Variants in ZNF843 observed in about 807,000 individuals in gnomAD.
ZNF843 encodes zinc finger protein 843.
For missense variants in ZNF843, 482 were observed against 469.4 expected (o/e 1.03, Z -0.25); for synonymous variants, 185 against 207.7 (o/e 0.89, Z 0.94).
rs1403783683 is a variant in ZNF843, at chr16:31,436,682, G to A, written c.168C>T (p.Ser56=). The change falls in exon 2 of 2, where the codon AGC becomes AGT. Residue 56 remains serine, a synonymous_variant. Coordinates refer to ENST00000315678, the MANE Select transcript of ZNF843 (RefSeq NM_001136509.3). ...ASLLQHWRVH[S]DWRETLSLSP... ...ACAGCGACAAGGTCTCTCGCCAGTC[G>A]CTGTGGACCCGCCAGTGCTGGAGGA... The A allele has an allele frequency of 1.3e-6, 2 of 1,551,248 alleles. No homozygotes were observed. Among genetic ancestry groups the A allele is most frequent in the Non-Finnish European group, 8.7e-7 (1 of 1,146,990 alleles).
In ZNF843 at chr16:31,437,165, T is replaced by G; in HGVS notation, c.-316A>C. On this transcript the variant is annotated 5_prime_UTR_variant, in exon 2 of 2. Coordinates refer to ENST00000315678, the MANE Select transcript of ZNF843 (RefSeq NM_001136509.3). ...TTCCTGCGGAAGGAAAGATTTCAGA[T>G]CCCAGAGCCATCATTCTCTCTAGAG... is the stretch of plus-strand genomic sequence containing the variant. The G allele has an allele frequency of 3.3e-6, 1 of 300,760 alleles. No homozygotes were observed. 18.6% of individuals were successfully genotyped at this position (300,760 alleles called of 1,614,324 possible).
In ZNF843 at chr16:31,436,036, AG is replaced by A; in HGVS notation, c.813del (p.Cys272ValfsTer143). 1 of 1,536,958 alleles carries A rather than the reference AG, an allele frequency of 6.5e-7. No homozygotes were observed. Among genetic ancestry groups the A allele is most frequent in the African/African-American group, 1.4e-5 (1 of 72,888 alleles). On this transcript the variant is annotated frameshift_variant, in exon 2 of 2. Coordinates refer to ENST00000315678, the MANE Select transcript of ZNF843 (RefSeq NM_001136509.3). LOFTEE classifies it low-confidence loss of function (END_TRUNC). ...AQQEGAMGPR[S>X]CASAGRDSRE... is the part of the protein sequence containing the mutation. ...CGCGAGTCCCGTCCCGCGCTCGCAC[AG>A]CTTCTGGGCCCCATCGCCCCCTCCT...
intron 1 of ZNF843, among the ~76,000 whole-genome samples, chr16:31,439,572 A>G (rs1210508506): frequency 6.6e-6 from 1 of 152,254 alleles, no homozygotes; most frequent in African/African-American, 2.4e-5. Context: ...AACTGCTGTT[A>G]CCTGCAAGCA....
chr16:31,435,789 A>G lies in ZNF843; in HGVS notation c.*14T>C, dbSNP rs1380122143. 6.9e-7 allele frequency: 1 copy of G among 1,446,806 alleles called. No homozygotes were observed. Among genetic ancestry groups the G allele is most frequent in the Admixed American group, 2.9e-5 (1 of 34,872 alleles). The allele number at this position is 1,446,806 out of a possible 1,614,324, so 89.6% of individuals were successfully genotyped here. On this transcript the variant is annotated 3_prime_UTR_variant, in exon 2 of 2. Transcript: ENST00000315678. ...CTGCAACAATTCCACCCAGGGCTGC[A>G]GCACGCTGGTTCTTCAGTGTCGGGC...
Position 31,436,360 on chromosome 16 carries a change from C to T in ZNF843, c.490G>A (p.Val164Ile), listed in dbSNP as rs902170193. ...GTCTTCTCCCCTGGGTGCGGAAGGA[C>T]GCGCTGGGAGAGGGAGGTCTTCTCA... ...VNEKTSLSQRVLPHPGEKTCR... is the reference protein window; with the variant it reads ...VNEKTSLSQRILPHPGEKTCR... The change falls in exon 2 of 2, where the codon GTC becomes ATC. Residue 164 changes from valine (V) to isoleucine (I), a missense_variant. Physicochemically the swap from Val to Ile is conservative, Grantham distance 29. Transcript: ENST00000315678. 5.8e-6 allele frequency: 9 copies of T among 1,546,550 alleles called. No individual in the cohort carries two copies. The Admixed American group carries it at 1.4e-4, about 24-fold the overall frequency.
At position 31,436,544 on chromosome 16, in the gene ZNF843, G is replaced by C. The variant is rs2082182316; in HGVS notation, c.306C>G (p.Leu102=). The C allele has an allele frequency of 6.5e-7, 1 of 1,549,918 alleles. No homozygotes were observed. Among genetic ancestry groups the C allele is most frequent in the Non-Finnish European group, 8.7e-7 (1 of 1,145,822 alleles). Residue 102 remains leucine, a synonymous_variant, in exon 2 of 2, where the codon CTC becomes CTG. Coordinates refer to ENST00000315678, the MANE Select transcript of ZNF843 (RefSeq NM_001136509.3). ...TGTGCTCCTTGGTGAGCCAGCAGCA[G>C]AGCTGGCCGCTAAACCCTTGCCGCA... ...AGVRQGFSGQ[L]CCWLTKEHTL...
rs1383229297 is a variant in ZNF843, at chr16:31,436,779, C to T, written c.71G>A (p.Gly24Asp). 1.3e-6 allele frequency: 2 copies of T among 1,551,820 alleles called. No individual in the cohort carries two copies. Among genetic ancestry groups the T allele is most frequent in the Non-Finnish European group, 1.7e-6 (2 of 1,147,042 alleles). Residue 24 changes from glycine to aspartate, a missense_variant, in exon 2 of 2, where the codon GGC (glycine) becomes GAC (aspartate). Physicochemically the swap from Gly to Asp is moderately conservative, Grantham distance 94 (BLOSUM62 -1). Transcript: ENST00000315678. Reference protein sequence around the residue: ...SARAPTCCSTGRFTQGRQPCK... With the variant: ...SARAPTCCSTDRFTQGRQPCK... ...GGGCTGACGGCCCTGGGTGAATCTGCCGGTGCTGCAGCAGGTAGGAGCTCT... is the reference window on the plus strand; with the variant it reads ...GGGCTGACGGCCCTGGGTGAATCTGTCGGTGCTGCAGCAGGTAGGAGCTCT...
In ZNF843 at chr16:31,435,931, C is replaced by T; in HGVS notation, c.919G>A (p.Ala307Thr). The T allele has an allele frequency of 1.3e-6, 2 of 1,543,626 alleles. No homozygotes were observed. The highest frequency in any genetic ancestry group is 1.7e-6 in the Non-Finnish European group (2 of 1,143,158). Residue 307 changes from alanine (A) to threonine (T), a missense_variant, in exon 2 of 2, where the codon GCC becomes ACC. Physicochemically the swap from Ala to Thr is moderately conservative, Grantham distance 58. Transcript: ENST00000315678. ...CACTGTCGCTGAAGCCTGGCCCTGG[C>T]CTCGCCGAGCGGTCCGGCCGCTCTG... ...QHRAAGPLGE[A>T]RARLQRQCRA...
At position 31,436,318 on chromosome 16, in the gene ZNF843, C is replaced by T. The variant is rs193231193; in HGVS notation, c.532G>A (p.Val178Met). ...CTGGGTGCGAGGCTGACGCTCTCCA[C>T]GCTCCCACCCCTGCAGGTCTTCTCC... ...PGEKTCRGGS[V>M]ESVSLAPSSV... Residue 178 changes from valine (V) to methionine (M), a missense_variant, in exon 2 of 2, where the codon GTG becomes ATG. Physicochemically the swap from Val to Met is conservative, Grantham distance 21 (BLOSUM62 1). Coordinates refer to ENST00000315678, the MANE Select transcript of ZNF843 (RefSeq NM_001136509.3). The T allele has an allele frequency of 5.9e-5, 91 of 1,547,102 alleles. No homozygotes were observed. The highest frequency in any genetic ancestry group is 4.8e-4 in the African/African-American group (35 of 73,150).
chr16:31,435,955 T>A lies in ZNF843; in HGVS notation c.895A>T (p.Arg299Ter). ...PEPARKASQH[R>*]AAGPLGEARA... The stretch of plus-strand genomic sequence containing the variant: ...GCCTCGCCGAGCGGTCCGGCCGCTC[T>A]GTGCTGCGAGGCCTTCCGGGCTGGC... The change falls in exon 2 of 2, where the codon AGA becomes TGA. Residue 299 changes from arginine to a stop codon, truncating the protein, a stop_gained. Transcript: ENST00000315678. LOFTEE classifies it low-confidence loss of function (END_TRUNC). 6.5e-7 allele frequency: 1 copy of A among 1,535,000 alleles called. No individual in the cohort carries two copies. The highest frequency in any genetic ancestry group is 8.8e-7 in the Non-Finnish European group (1 of 1,138,742).
intron 1 of ZNF843, among the ~76,000 whole-genome samples, chr16:31,438,588 GT>G (rs2082191269): frequency 1.3e-5 from 2 of 152,064 alleles, no homozygotes; most frequent in Non-Finnish European, 1.5e-5. Flanking sequence ...CTCCCCGTTT[GT>G]GCTTCACCTC....
rs577678045 is a variant in ZNF843 at position 31,440,670 on chromosome 16, G to A, written c.-336+1966C>T. Among the ~76,000 whole-genome samples the A allele has an allele frequency of 1.9e-3, 285 of 152,224 alleles. 2 individuals are homozygous for A. Among genetic ancestry groups the A allele is most frequent in the African/African-American group, 6.7e-3 (278 of 41,536 alleles). ...TTATGTAGGAATCATTCCCAGGAGC[G>A]CAGCTGCTGCCCCATATAAGAAAGG... is the stretch of plus-strand genomic sequence containing the variant. On this transcript the variant is annotated intron_variant, in intron 1 of 1. Coordinates refer to ENST00000315678, the MANE Select transcript of ZNF843 (RefSeq NM_001136509.3).
chr16:31,436,002 ACCG>A lies in ZNF843; in HGVS notation c.845_847del (p.Ala282del). On this transcript the variant is annotated inframe_deletion, in exon 2 of 2. Transcript: ENST00000315678. ...TGGCTCAGGGTAGCCTGGGGCCTGA[ACCG>A]CCTCCCGCGAGTCCCGTCCCGCGCT... The A allele has an allele frequency of 6.6e-7, 1 of 1,523,490 alleles. No homozygotes were observed. The highest frequency in any genetic ancestry group is 2.5e-5 in the East Asian group (1 of 40,596). The allele number at this position is 1,523,490 out of a possible 1,614,324, so 94.4% of individuals were successfully genotyped here.
chr16:31,436,704 A>T lies in ZNF843; in HGVS notation c.146T>A (p.Leu49His). 9 of 1,551,658 alleles carry T rather than the reference A, an allele frequency of 5.8e-6. No individual in the cohort carries two copies. The highest frequency in any genetic ancestry group is 7.8e-6 in the Non-Finnish European group (9 of 1,147,014). The change falls in exon 2 of 2, where the codon CTC becomes CAC. Residue 49 changes from leucine (L) to histidine (H), a missense_variant. Transcript: ENST00000315678. ...GRGFTQSASL[L>H]QHWRVHSDWR... ...GTCGCTGTGGACCCGCCAGTGCTGG[A>T]GGAGGGATGCGCTCTGAGTAAAACC...
In ZNF843 at chr16:31,442,301, TTTTATTTATTTATTTA is replaced by T. The variant is rs144027321; in HGVS notation, c.-336+319_-336+334del. Among the ~76,000 whole-genome samples, 420 of 149,634 alleles carry T rather than the reference TTTTATTTATTTATTTA, an allele frequency of 2.8e-3. 3 individuals carry two copies. The highest frequency in any genetic ancestry group is 5.2e-3 in the Non-Finnish European group (348 of 67,250). ...GCCCGGGCTGCGGCCCTTCGCTCGA[TTTTATTTATTTATTTA>T]TTTATTTATTTATTTATTTTTGAGA... On this transcript the variant is annotated intron_variant, in intron 1 of 1. Transcript: ENST00000315678.
rs1024980991 is a variant in ZNF843, at chr16:31,436,173, G to C, written c.677C>G (p.Pro226Arg). ...PRPPFLYPGP[P>R]LSLQPLVPSG... ...TGGAACCAGAGGCTGGAGACTGAGT[G>C]GGGGGCCAGGATAAAGGAAGGGAGG... is the stretch of plus-strand genomic sequence containing the variant. The change falls in exon 2 of 2, where the codon CCA becomes CGA. Residue 226 changes from proline to arginine, a missense_variant. Coordinates refer to ENST00000315678, the MANE Select transcript of ZNF843 (RefSeq NM_001136509.3). The C allele has an allele frequency of 2.6e-6, 4 of 1,539,832 alleles. No individual in the cohort carries two copies. The highest frequency in any genetic ancestry group is 1.4e-5 in the African/African-American group (1 of 72,960).
rs749261492 is a variant in ZNF843 at position 31,436,426 on chromosome 16, C to A, written c.424G>T (p.Val142Leu). ...DRPPANSHRR[V>L]CPFCCCSCGD... Reference sequence around the variant, plus strand: ...CAGCTGCAGCAGCAGAAGGGACACACTCTCCTGTGTGAATTCGCTGGTGGC... The same window carrying A: ...CAGCTGCAGCAGCAGAAGGGACACAATCTCCTGTGTGAATTCGCTGGTGGC... The change falls in exon 2 of 2, where the codon GTG (valine) becomes TTG (leucine). Residue 142 changes from valine (V) to leucine (L), a missense_variant. By Grantham distance (32) the Val-to-Leu change is conservative. Coordinates refer to ENST00000315678, the MANE Select transcript of ZNF843 (RefSeq NM_001136509.3). The A allele has an allele frequency of 5.2e-6, 8 of 1,551,660 alleles. No homozygotes were observed. In the South Asian group the frequency reaches 8.3e-5, roughly 16 times the overall value.
At position 31,436,202 on chromosome 16, in the gene ZNF843, G is replaced by C. The variant is rs1382259537; in HGVS notation, c.648C>G (p.Pro216=). The C allele has an allele frequency of 1.3e-6, 2 of 1,536,650 alleles. No individual in the cohort carries two copies. Among genetic ancestry groups the C allele is most frequent in the Non-Finnish European group, 1.8e-6 (2 of 1,138,886 alleles). ...LQHLPPSTLL[P]RPPFLYPGPP... ...GGCCAGGATAAAGGAAGGGAGGTCGGGGCAGGAGTGTGGATGGGGGCAGAT... is the reference window on the plus strand; with the variant it reads ...GGCCAGGATAAAGGAAGGGAGGTCGCGGCAGGAGTGTGGATGGGGGCAGAT... Residue 216 remains proline (P), a synonymous_variant, in exon 2 of 2, where the codon CCC becomes CCG. Coordinates refer to ENST00000315678, the MANE Select transcript of ZNF843 (RefSeq NM_001136509.3).
rs764834122 is a variant in ZNF843, at chr16:31,436,511, G to C, written c.339C>G (p.Ala113=). 4.1e-5 allele frequency: 64 copies of C among 1,551,014 alleles called. No homozygotes were observed. The highest frequency in any genetic ancestry group is 5.4e-5 in the Non-Finnish European group (62 of 1,146,618). ...GTACTGGGGACAGACGCAGGGCTTC[G>C]GCCAGTGTGTGCTCCTTGGTGAGCC... ...CCWLTKEHTL[A]EALRLSPVPA... is the part of the protein sequence containing the mutation. Residue 113 remains alanine, a synonymous_variant, in exon 2 of 2, where the codon GCC becomes GCG. Transcript: ENST00000315678.
Sources: allele counts gnomAD v4.1 joint callset (sites outside exome capture counted in the v4.1 genomes callset), GRCh38; gene constraint gnomAD v4.1.1; transcripts MANE v1.5; gene names NCBI Gene and HGNC (gene_info 2026-07-23, HGNC 2026-07-21).